SETBP1: variants seen among roughly 807,000 people sequenced by gnomAD.
SETBP1 encodes SET-binding protein.
Under a neutral mutation model 101.0 loss-of-function variants are expected in SETBP1, and 9 were observed. That is an observed-to-expected ratio of 0.09 (90% CI 0.05 to 0.16). The LOEUF (loss-of-function observed/expected upper bound fraction) is 0.16. Among genes scored for constraint, SETBP1 ranks in the 10% least tolerant of loss-of-function variants. SETBP1 has a pLI of 1.00. For missense variants in SETBP1, 1,858 were observed against 2,033.8 expected (o/e 0.91, Z 1.66); for synonymous variants, 818 against 788.5 (o/e 1.04, Z -0.63).
At chr18:44,914,769 A>T (rs981329059) in intron 3 of SETBP1, among the ~76,000 whole-genome samples, 1 of 152,014 alleles carries the variant, frequency 6.6e-6, no homozygotes, top group African/African-American at 2.4e-5. Flanking sequence ...GTACTATAGG[A>T]ACAGAAATAG....
intron 2 of SETBP1, among the ~76,000 whole-genome samples, chr18:44,787,079 G>GA (rs2071254956): frequency 6.6e-6 from 1 of 152,194 alleles, no homozygotes; most frequent in African/African-American, 2.4e-5. Context: ...CGGATGGTGT[G>GA]TAGTAACATA....
chr18:44,726,056 A>G (rs1180585983), intron 2 of SETBP1, among the ~76,000 whole-genome samples: 2 of 151,004 alleles, frequency 1.3e-5, no homozygotes, highest in East Asian at 3.9e-4. Context: ...GTAGATCTCT[A>G]AAAGATTCCT....
In SETBP1 at chr18:44,996,427, G is replaced by A. The variant is rs540296862; in HGVS notation, c.4001-42058G>A. On this transcript the variant is annotated intron_variant, in intron 4 of 5. Transcript: ENST00000649279. ...AGCTTTCTCTCCTTGCCTCCATTCA[G>A]CTCTGTGGAGTCACCTCTAGGAGTG... 5.3e-5 allele frequency among the ~76,000 whole-genome samples: 8 copies of A among 152,312 alleles called. No homozygotes were observed. In the South Asian group the frequency reaches 6.2e-4, roughly 12 times the overall value.
chr18:44,944,362 C>A (rs897576878), intron 3 of SETBP1, among the ~76,000 whole-genome samples: 2 of 152,160 alleles, frequency 1.3e-5, no homozygotes, highest in Non-Finnish European at 2.9e-5. Flanking sequence ...GTTATAGCAA[C>A]CACAGAAGGG....
intron 3 of SETBP1, among the ~76,000 whole-genome samples, chr18:44,904,257 G>T (rs2070120010): frequency 1.3e-5 from 2 of 152,102 alleles, no homozygotes; most frequent in South Asian, 4.1e-4. Context: ...TTTTGTTTAT[G>T]CATAAGATTT....
At chr18:45,007,486 A>T (rs1437194157) in intron 4 of SETBP1, among the ~76,000 whole-genome samples, 1 of 151,800 alleles carries the variant, frequency 6.6e-6, no homozygotes, top group Non-Finnish European at 1.5e-5. Context: ...TACTAGATAA[A>T]GCCTATGAGG....
At chr18:44,965,512 C>T (rs2071703472) in intron 4 of SETBP1, among the ~76,000 whole-genome samples, 1 of 152,122 alleles carries the variant, frequency 6.6e-6, no homozygotes, top group Non-Finnish European at 1.5e-5. Context: ...CCAATAGTTT[C>T]CATTTCAAAA....
rs540243176 is a variant in SETBP1 at position 44,954,716 on chromosome 18, A to G, written c.4000+1376A>G. On this transcript the variant is annotated intron_variant, in intron 4 of 5. Coordinates refer to ENST00000649279, the MANE Select transcript of SETBP1 (RefSeq NM_015559.3). ...CAGTCACATCTCCTGCATTTACTAA[A>G]GGTAATAAATGACCTACACTTTGTG... 2.6e-5 allele frequency among the ~76,000 whole-genome samples: 4 copies of G among 152,288 alleles called. No homozygotes were observed. In the East Asian group the frequency reaches 7.7e-4, roughly 29 times the overall value.
chr18:44,976,073 T>TACACACACACACACACAC (rs57458132), intron 4 of SETBP1, among the ~76,000 whole-genome samples: 3 of 143,580 alleles, frequency 2.1e-5, no homozygotes, highest in East Asian at 2.1e-4. Flanking sequence ...TGGGGAGGGA[T>TACACACACACACACACAC]ACACACACAC....
chr18:44,950,185 A>G lies in SETBP1; in HGVS notation c.845A>G (p.Lys282Arg), dbSNP rs1426282886. ...TGGAGTCAGTTGTCTAACAATAACA[A>G]AGATCTGCTCTTGGGAGGTGTGGCT... ...NTWSQLSNNN[K>R]DLLLGGVAPS... The change falls in exon 4 of 6, where the codon AAA becomes AGA. Residue 282 changes from lysine (K) to arginine (R), a missense_variant. Lys to Arg is a conservative substitution (Grantham distance 26). Coordinates refer to ENST00000649279, the MANE Select transcript of SETBP1 (RefSeq NM_015559.3). 2.5e-6 allele frequency: 4 copies of G among 1,613,818 alleles called. No individual in the cohort carries two copies. Among genetic ancestry groups the G allele is most frequent in the African/African-American group, 2.7e-5 (2 of 74,934 alleles).
chr18:44,752,471 G>T (rs2070404950), intron 2 of SETBP1, among the ~76,000 whole-genome samples: 2 of 152,286 alleles, frequency 1.3e-5, no homozygotes, highest in East Asian at 1.9e-4. Flanking sequence ...GTGCTGGTGG[G>T]TATTGAAATC....
At chr18:45,000,141 A>G (rs1277556803) in intron 4 of SETBP1, among the ~76,000 whole-genome samples, 1 of 152,248 alleles carries the variant, frequency 6.6e-6, no homozygotes, top group East Asian at 1.9e-4. Flanking sequence ...GTGATGTTTA[A>G]GAGGGATATG....
chr18:44,926,152 T>G lies in SETBP1; in HGVS notation c.541-23729T>G, dbSNP rs542777109. Among the ~76,000 whole-genome samples, 25 of 152,276 alleles carry G rather than the reference T, an allele frequency of 1.6e-4. No homozygotes were observed. The South Asian group carries it at 5.2e-3, about 32-fold the overall frequency. On this transcript the variant is annotated intron_variant, in intron 3 of 5. Transcript: ENST00000649279. ...GGCATTGTCATAGCTCACTGCAGCC[T>G]TGAACTCTGGGTTCAAGTGATCGCC...
At chr18:44,941,167 C>T (rs866798299) in intron 3 of SETBP1, among the ~76,000 whole-genome samples, 3 of 149,726 alleles carry the variant, frequency 2.0e-5, no homozygotes, top group Non-Finnish European at 4.4e-5. Flanking sequence ...CTGCAACCTC[C>T]ACTTCCTGGT....
intron 2 of SETBP1, among the ~76,000 whole-genome samples, chr18:44,813,067 G>A (rs2071896721): frequency 6.6e-6 from 1 of 151,594 alleles, no homozygotes; most frequent in African/African-American, 2.4e-5. Context: ...AAAGGAATGA[G>A]TCCACTTAAA....
chr18:44,934,338 G>A (rs968709209), intron 3 of SETBP1, among the ~76,000 whole-genome samples: 2 of 152,058 alleles, frequency 1.3e-5, no homozygotes, highest in African/African-American at 2.4e-5. Context: ...TAATAGAGAC[G>A]GGGTTTTGCC....
At chr18:44,773,838 A>ATGTGTG (rs61649185) in intron 2 of SETBP1, among the ~76,000 whole-genome samples, 2,282 of 134,252 alleles carry the variant, frequency 0.017, 32 homozygotes, top group African/African-American at 0.041. Flanking sequence ...CTCTCTGTTT[A>ATGTGTG]TGTGTGTGTG....
At chr18:44,723,307 C>T (rs1234122085) in intron 2 of SETBP1, among the ~76,000 whole-genome samples, 3 of 152,136 alleles carry the variant, frequency 2.0e-5, no homozygotes, top group Non-Finnish European at 2.9e-5. Flanking sequence ...TACTGTCAGG[C>T]GGTATTCTCC....
intron 4 of SETBP1, among the ~76,000 whole-genome samples, chr18:44,954,344 A>C (rs6507590): frequency 2.3e-4 from 34 of 149,854 alleles, no homozygotes; most frequent in East Asian, 7.9e-4. Flanking sequence ...AAAAAAAAAA[A>C]AAAAAAAAAA....
Sources: allele counts gnomAD v4.1 joint callset (sites outside exome capture counted in the v4.1 genomes callset), GRCh38; gene constraint gnomAD v4.1.1; transcripts MANE v1.5; gene names NCBI Gene and HGNC (gene_info 2026-07-23, HGNC 2026-07-21).